Variants in ITCH observed in about 807,000 individuals in gnomAD.
The protein encoded by ITCH is E3 ubiquitin-protein ligase Itchy homolog.
In ITCH, 28 loss-of-function variants were observed where a neutral mutation model predicts 126.8. The ratio of observed to expected loss-of-function variants is 0.22; its 90% CI spans 0.16 to 0.30. The LOEUF is 0.30. Ranked by LOEUF, ITCH falls within the 10% of genes least tolerant of loss-of-function variation. ITCH has a pLI of 1.00. For missense variants in ITCH, 631 were observed against 1,032.4 expected, an observed-to-expected ratio of 0.61 and a Z score of 5.33; for synonymous variants, 342 against 340.0, an observed-to-expected ratio of 1.01 and a Z score of -0.06.
chr20:34,401,660 T>G, intron 3 of ITCH: 1 of 980,020 alleles, frequency 1.0e-6, no homozygotes, highest in Non-Finnish European at 1.2e-6. Context: ...GGAAGTAGAC[T>G]GTGGAATCAA....
intron 2 of ITCH, among the ~76,000 whole-genome samples, chr20:34,375,696 A>ATTTTTTTTTTTTTTTTTTTTTTTTT (rs5841171): frequency 7.6e-5 from 5 of 65,552 alleles, no homozygotes; most frequent in Admixed American, 2.3e-4. Flanking sequence ...GGTAGTTAAA[A>ATTTTTTTTTTTTTTTTTTTTTTTTT]TTTTTTTTTT....
chr20:34,396,404 A>G (rs990180683), intron 3 of ITCH, among the ~76,000 whole-genome samples: 3 of 152,036 alleles, frequency 2.0e-5, no homozygotes, highest in Non-Finnish European at 2.9e-5. Context: ...CGATTTCTCT[A>G]CATTCTTGCC....
chr20:34,463,526 T>C (rs766180014), intron 14 of ITCH, among the ~76,000 whole-genome samples: 6 of 152,176 alleles, frequency 3.9e-5, no homozygotes, highest in Non-Finnish European at 7.3e-5. Context: ...CACCATACTG[T>C]TTTTCAGTGT....
chr20:34,450,937 G>C (rs933200933), intron 12 of ITCH: 1 of 152,150 alleles, frequency 6.6e-6, no homozygotes, highest in Non-Finnish European at 1.5e-5. Flanking sequence ...GGTAAAAAAT[G>C]TATTAGGCTA....
intron 2 of ITCH, among the ~76,000 whole-genome samples, chr20:34,391,959 A>G (rs958229176): frequency 2.0e-5 from 3 of 152,214 alleles, no homozygotes; most frequent in South Asian, 2.1e-4. Flanking sequence ...GCAATAAATT[A>G]TTAGTGGAGA....
At chr20:34,401,044 C>A (rs114022126) in intron 3 of ITCH, among the ~76,000 whole-genome samples, 2 of 152,174 alleles carry the variant, frequency 1.3e-5, no homozygotes, top group Non-Finnish European at 2.9e-5. Context: ...CAGGCGTGAG[C>A]CATTGTTCCC....
intron 10 of ITCH, among the ~76,000 whole-genome samples, chr20:34,443,834 A>G (rs1984086628): frequency 6.6e-6 from 1 of 152,084 alleles, no homozygotes; most frequent in African/African-American, 2.4e-5. Context: ...AAAGAAAAAG[A>G]AATTAGCTGG....
chr20:34,436,880 A>C (rs921508330), intron 7 of ITCH, among the ~76,000 whole-genome samples: 3 of 152,186 alleles, frequency 2.0e-5, no homozygotes, highest in Admixed American at 2.0e-4. Context: ...TAATTGTAGC[A>C]CTTTGGGAGG....
chr20:34,500,490 C>G lies in ITCH; in HGVS notation c.2417-3841C>G, dbSNP rs138342957. Among the ~76,000 whole-genome samples the G allele has an allele frequency of 1.2e-3, 178 of 152,290 alleles. 1 individual carries two copies. Among genetic ancestry groups the G allele is most frequent in the South Asian group, 3.9e-3 (19 of 4,828 alleles). On this transcript the variant is annotated intron_variant, in intron 23 of 24. Coordinates refer to ENST00000374864, the MANE Select transcript of ITCH (RefSeq NM_031483.7). ...TGATATATGTATAGCTACTCCTGCT[C>G]ACTTTGGATTTCCATTTCCATGAAA...
chr20:34,460,710 C>T (rs1986427577), intron 13 of ITCH, among the ~76,000 whole-genome samples: 1 of 152,048 alleles, frequency 6.6e-6, no homozygotes, highest in South Asian at 2.1e-4. Context: ...AAGGAGGTGG[C>T]ATGGAATACT....
At chr20:34,418,911 G>A (rs1369560711) in intron 6 of ITCH, among the ~76,000 whole-genome samples, 8 of 151,736 alleles carry the variant, frequency 5.3e-5, no homozygotes, top group African/African-American at 9.7e-5. Flanking sequence ...ACAGGCAAGC[G>A]CCACCACGCC....
At position 34,492,613 on chromosome 20, in the gene ITCH, C is replaced by T; in HGVS notation, c.2416+16C>T. The T allele has an allele frequency of 6.6e-7, 1 of 1,512,100 alleles. No individual in the cohort carries two copies. The highest frequency in any genetic ancestry group is 9.2e-7 in the Non-Finnish European group (1 of 1,086,880). 93.7% of individuals were successfully genotyped at this position (1,512,100 alleles called of 1,614,324 possible). A position where few individuals can be genotyped will look rare whatever the true frequency, so the allele number is the denominator to read the frequency against. ...GATCTCATGGGTATGTATACAGGAT[C>T]ACTTTTCCTATACAGAAAATTGTTT... On this transcript the variant is annotated intron_variant, in intron 23 of 24. Transcript: ENST00000374864.
At chr20:34,456,550 C>T (rs1056487769) in intron 12 of ITCH, among the ~76,000 whole-genome samples, 1 of 147,124 alleles carries the variant, frequency 6.8e-6, no homozygotes, top group Non-Finnish European at 1.5e-5. Context: ...GGAGGATCAC[C>T]TGAACCTGGG....
At chr20:34,488,309 A>G (rs1313953153) in intron 20 of ITCH, among the ~76,000 whole-genome samples, 3 of 152,246 alleles carry the variant, frequency 2.0e-5, no homozygotes, top group South Asian at 2.1e-4. Flanking sequence ...TATTGTCACT[A>G]GATTTAGAAT....
chr20:34,479,005 A>G (rs1016303098), intron 17 of ITCH, among the ~76,000 whole-genome samples: 12 of 152,218 alleles, frequency 7.9e-5, no homozygotes, highest in Non-Finnish European at 1.5e-4. Flanking sequence ...CATGTTACGT[A>G]GTTTTAGTAA....
At chr20:34,381,601 T>G (rs79794897) in intron 2 of ITCH, among the ~76,000 whole-genome samples, 1 of 152,052 alleles carries the variant, frequency 6.6e-6, no homozygotes, top group Non-Finnish European at 1.5e-5. Flanking sequence ...TAATTTTTTG[T>G]TTTTTTAGTA....
chr20:34,470,111 C>T lies in ITCH; in HGVS notation c.1488C>T (p.Phe496=). Residue 496 remains phenylalanine, a synonymous_variant, in exon 15 of 25, where the codon TTC becomes TTT. Coordinates refer to ENST00000374864, the MANE Select transcript of ITCH (RefSeq NM_031483.7). ...DFKAKVQYFR[F]WCQQLAMPQH... is the part of the protein sequence containing the mutation. The stretch of plus-strand genomic sequence containing the variant: ...AAGCAAAGGTTCAGTATTTCCGGTT[C>T]TGGTGTCAGGTTAGTATTGGAACTG... 12 of 1,613,076 alleles carry T rather than the reference C, an allele frequency of 7.4e-6. No homozygotes were observed. The highest frequency in any genetic ancestry group is 1.0e-5 in the Non-Finnish European group (12 of 1,179,122).
intron 12 of ITCH, among the ~76,000 whole-genome samples, chr20:34,453,626 T>C (rs759446823): frequency 6.6e-6 from 1 of 151,972 alleles, no homozygotes. Flanking sequence ...AAAAGTTGAG[T>C]ATGTGCTCAG....
intron 9 of ITCH, 45 bp downstream of exon 9, chr20:34,440,389 C>T (rs747928810): frequency 5.2e-6 from 7 of 1,345,192 alleles, no homozygotes; most frequent in East Asian, 2.3e-5. Flanking sequence ...TAGGATTCTT[C>T]ATAAGCCTAC....
Sources: gnomAD v4.1 joint callset for allele counts (sites outside exome capture counted in the v4.1 genomes callset) on GRCh38, gnomAD v4.1.1 for gene constraint, MANE v1.5 for transcripts, NCBI Gene and HGNC (gene_info 2026-07-23, HGNC 2026-07-21) for gene names.